Variants in B3GALT1 observed in about 807,000 individuals in gnomAD.
The protein encoded by B3GALT1 is beta-1,3-galactosyltransferase 1, also known as UDP-Gal:betaGlcNAc beta 1,3-galactosyltransferase, polypeptide 1.
Under a neutral mutation model 23.2 loss-of-function variants are expected in B3GALT1, and 10 were observed. The observed-to-expected ratio is 0.43, with a 90% CI of 0.27 to 0.73. The LOEUF is 0.73. Ranked by LOEUF, B3GALT1 falls within the 30% of genes least tolerant of loss-of-function variation. The probability of loss-of-function intolerance (pLI) is 0.21; values close to 1 mark genes in which losing one functional copy is unlikely to be tolerated. For synonymous variants in B3GALT1, 156 were observed against 141.5 expected (o/e 1.10, Z -0.73); for missense variants, 299 against 405.4 (o/e 0.74, Z 2.25).
intron 2 of B3GALT1, among the ~76,000 whole-genome samples, chr2:167,496,298 A>G (rs1574104030): frequency 6.6e-6 from 1 of 152,314 alleles, no homozygotes; most frequent in East Asian, 1.9e-4. Flanking sequence ...CTTAAGTTCC[A>G]GAATAAGGAA....
intron 1 of B3GALT1, among the ~76,000 whole-genome samples, chr2:167,366,100 T>C (rs532043862): frequency 6.6e-6 from 1 of 152,364 alleles, no homozygotes; most frequent in African/African-American, 2.4e-5. Flanking sequence ...GAGAGACTAA[T>C]AATTTTGAAA....
At chr2:167,409,328 A>G (rs1698357130) in intron 1 of B3GALT1, among the ~76,000 whole-genome samples, 1 of 152,096 alleles carries the variant, frequency 6.6e-6, no homozygotes, top group South Asian at 2.1e-4. Context: ...TCTCCTGGAT[A>G]ATGTTCTGAA....
intron 1 of B3GALT1, among the ~76,000 whole-genome samples, chr2:167,344,109 ATGAG>A (rs1197837882): frequency 6.6e-6 from 1 of 152,196 alleles, no homozygotes; most frequent in Non-Finnish European, 1.5e-5. Flanking sequence ...ATTATAATGG[ATGAG>A]TATGATTAAT....
At chr2:167,606,592 T>C (rs1353621876) in intron 2 of B3GALT1, among the ~76,000 whole-genome samples, 1 of 152,202 alleles carries the variant, frequency 6.6e-6, no homozygotes, top group Non-Finnish European at 1.5e-5. Context: ...TGTGTGACTA[T>C]GGCTTATGAA....
At chr2:167,684,319 T>A (rs1344261291) in intron 3 of B3GALT1, among the ~76,000 whole-genome samples, 1 of 152,204 alleles carries the variant, frequency 6.6e-6, no homozygotes, top group Non-Finnish European at 1.5e-5. Flanking sequence ...TTACCTAAAT[T>A]TTTCCCATGT....
intron 1 of B3GALT1, among the ~76,000 whole-genome samples, chr2:167,487,805 G>A (rs1204667181): frequency 6.6e-6 from 1 of 152,108 alleles, no homozygotes; most frequent in Non-Finnish European, 1.5e-5. Flanking sequence ...GTTATACTTT[G>A]TTTGTATATC....
chr2:167,694,305 G>A (rs537210721), intron 3 of B3GALT1, among the ~76,000 whole-genome samples: 1 of 152,206 alleles, frequency 6.6e-6, no homozygotes, highest in South Asian at 2.1e-4. Flanking sequence ...ACTTTCTGTG[G>A]AGTTGAATGA....
intron 3 of B3GALT1, among the ~76,000 whole-genome samples, chr2:167,788,394 GA>G (rs1558979302): frequency 6.6e-6 from 1 of 151,956 alleles, no homozygotes; most frequent in East Asian, 1.9e-4. Flanking sequence ...CCATAATGTA[GA>G]ATCAGTGGGA....
intron 2 of B3GALT1, among the ~76,000 whole-genome samples, chr2:167,533,158 G>A (rs978382576): frequency 6.6e-6 from 1 of 152,000 alleles, no homozygotes; most frequent in Non-Finnish European, 1.5e-5. Context: ...ACTGCACCTG[G>A]CTACCTCATC....
intron 4 of B3GALT1, among the ~76,000 whole-genome samples, chr2:167,827,808 T>C (rs1465446621): frequency 2.0e-5 from 3 of 152,318 alleles, no homozygotes; most frequent in Admixed American, 6.5e-5. Flanking sequence ...GGGTTGAGAT[T>C]GGCCACATCC....
intron 2 of B3GALT1, among the ~76,000 whole-genome samples, chr2:167,531,588 A>C (rs1218381544): frequency 6.6e-6 from 1 of 152,142 alleles, no homozygotes; most frequent in East Asian, 1.9e-4. Context: ...AAAATAATAT[A>C]TATTGTTCTA....
chr2:167,297,796 A>G (rs2105477551), intron 1 of B3GALT1, among the ~76,000 whole-genome samples: 1 of 152,268 alleles, frequency 6.6e-6, no homozygotes, highest in African/African-American at 2.4e-5. Context: ...AGAAGCTGAA[A>G]TTATACTCCG....
chr2:167,498,171 T>G (rs1394891587), intron 2 of B3GALT1, among the ~76,000 whole-genome samples: 1 of 152,200 alleles, frequency 6.6e-6, no homozygotes, highest in Non-Finnish European at 1.5e-5. Context: ...TTGCTCAATT[T>G]ACAGAAATTC....
intron 3 of B3GALT1, among the ~76,000 whole-genome samples, chr2:167,813,163 A>T (rs1444200159): frequency 6.6e-6 from 1 of 152,200 alleles, no homozygotes; most frequent in Non-Finnish European, 1.5e-5. Context: ...GAATGAAGCA[A>T]TGAATATAAC....
chr2:167,570,863 C>T (rs150017882), intron 2 of B3GALT1, among the ~76,000 whole-genome samples: 2 of 151,888 alleles, frequency 1.3e-5, no homozygotes, highest in African/African-American at 4.8e-5. Flanking sequence ...TACACATTAG[C>T]AAATCTACTT....
chr2:167,397,824 C>T (rs1242851847), intron 1 of B3GALT1, among the ~76,000 whole-genome samples: 2 of 152,078 alleles, frequency 1.3e-5, no homozygotes, highest in African/African-American at 4.8e-5. Context: ...GACAACAGAA[C>T]TATGAACAGA....
chr2:167,676,546 CACACACACAT>C (rs1468687029), intron 3 of B3GALT1, among the ~76,000 whole-genome samples: 241 of 139,656 alleles, frequency 1.7e-3, no homozygotes, highest in African/African-American at 7.3e-3. Flanking sequence ...CACACACACA[CACACACACAT>C]ATATATGTGT....
intron 2 of B3GALT1, among the ~76,000 whole-genome samples, chr2:167,633,663 C>T (rs1685499119): frequency 6.6e-6 from 1 of 152,028 alleles, no homozygotes; most frequent in South Asian, 2.1e-4. Flanking sequence ...GCACCCAATA[C>T]AGGAGCACCC....
At chr2:167,422,022 C>G (rs1416138537) in intron 1 of B3GALT1, among the ~76,000 whole-genome samples, 1 of 145,186 alleles carries the variant, frequency 6.9e-6, no homozygotes, top group Non-Finnish European at 1.5e-5. Flanking sequence ...AATGGGGCCT[C>G]TAGGAGGTAA....
Sources: gnomAD v4.1 joint callset for allele counts (sites outside exome capture counted in the v4.1 genomes callset) on GRCh38, gnomAD v4.1.1 for gene constraint, MANE v1.5 for transcripts, NCBI Gene and HGNC (gene_info 2026-07-23, HGNC 2026-07-21) for gene names.